LHFPL3: variants seen among roughly 807,000 people sequenced by gnomAD.
The protein encoded by LHFPL3 is LHFPL tetraspan subfamily member 3, also known as LHFPL tetraspan subfamily member 3 protein.
LHFPL3 carries 5 observed loss-of-function variants against 19.3 expected under a neutral mutation model. The ratio of observed to expected loss-of-function variants is 0.26; its 90% CI spans 0.14 to 0.54. The LOEUF is 0.54. LHFPL3 is among the 20% of genes least tolerant of loss of function. The pLI, the probability that LHFPL3 is intolerant of heterozygous loss-of-function variation, is 0.94. For synonymous variants in LHFPL3, 133 were observed against 126.2 expected (o/e 1.05, Z -0.36); for missense variants, 249 against 307.4 (o/e 0.81, Z 1.42).
intron 1 of LHFPL3, among the ~76,000 whole-genome samples, chr7:104,606,567 A>G (rs1671219411): frequency 6.6e-6 from 1 of 152,242 alleles, no homozygotes; most frequent in Non-Finnish European, 1.5e-5. Context: ...ATTGTAAGGA[A>G]GGTCAAGTGA....
At chr7:104,690,516 G>T (rs1792887466) in intron 1 of LHFPL3, among the ~76,000 whole-genome samples, 1 of 152,144 alleles carries the variant, frequency 6.6e-6, no homozygotes, top group African/African-American at 2.4e-5. Flanking sequence ...TTGGATCCAG[G>T]GAGCAAGAAG....
rs56664847 is a variant in LHFPL3 at position 104,667,264 on chromosome 7, T to TGTCG, written c.446-69410_446-69409insTCGG. Among the ~76,000 whole-genome samples, 8 of 148,172 alleles carry TGTCG rather than the reference T, an allele frequency of 5.4e-5. No individual in the cohort carries two copies. In the East Asian group the frequency reaches 1.4e-3, roughly 26 times the overall value. On this transcript the variant is annotated intron_variant, in intron 1 of 2. Coordinates refer to ENST00000424859, the MANE Select transcript of LHFPL3 (RefSeq NM_199000.3). ...CCCCTCCTACAATCATCTGTTTTCT[T>TGTCG]GGGGGGGGGAATCTTTAATTGGCTT...
chr7:104,871,640 A>G (rs1791840007), intron 2 of LHFPL3, among the ~76,000 whole-genome samples: 2 of 152,170 alleles, frequency 1.3e-5, no homozygotes, highest in Admixed American at 6.5e-5. Context: ...AAACACACAC[A>G]CATCGTACAG....
intron 1 of LHFPL3, chr7:104,668,553 C>A (rs1400347571): frequency 6.2e-7 from 1 of 1,612,986 alleles, no homozygotes. Flanking sequence ...CTATGATTCC[C>A]GGATAGGCAG....
intron 1 of LHFPL3, among the ~76,000 whole-genome samples, chr7:104,430,384 A>G (rs42179): frequency 0.17 from 6,187 of 35,850 alleles, 442 homozygotes; most frequent in East Asian, 0.34. Context: ...ATATATATAC[A>G]TATATATATA....
At position 104,330,542 on chromosome 7, in the gene LHFPL3, G is replaced by A. The variant is rs1380755834; in HGVS notation, c.445+1318G>A. Among the ~76,000 whole-genome samples, 12 of 152,162 alleles carry A rather than the reference G, an allele frequency of 7.9e-5. No homozygotes were observed. The East Asian group carries it at 2.1e-3, about 27-fold the overall frequency. On this transcript the variant is annotated intron_variant, in intron 1 of 2. Transcript: ENST00000424859. ...TTGCTAGTTTGATAAGGAAAGAGAA[G>A]CTTGTGGGAGACTACACTTGTGTGA... is the stretch of plus-strand genomic sequence containing the variant.
intron 1 of LHFPL3, among the ~76,000 whole-genome samples, chr7:104,537,579 C>T (rs1396397079): frequency 1.3e-5 from 2 of 152,180 alleles, no homozygotes; most frequent in African/African-American, 4.8e-5. Flanking sequence ...ACCCACTGCC[C>T]ATCTTCTCTG....
chr7:104,766,534 T>C (rs1453034035), intron 2 of LHFPL3, among the ~76,000 whole-genome samples: 3 of 152,188 alleles, frequency 2.0e-5, no homozygotes, highest in African/African-American at 7.2e-5. Flanking sequence ...TAGGATTCCA[T>C]TTTACTGCCA....
intron 1 of LHFPL3, among the ~76,000 whole-genome samples, chr7:104,723,301 C>T (rs558734212): frequency 5.3e-5 from 8 of 152,286 alleles, no homozygotes; most frequent in African/African-American, 9.6e-5. Context: ...TTGAAATCAT[C>T]GGTGATATCC....
Position 104,422,362 on chromosome 7 carries a change from A to AAACAAC in LHFPL3, c.445+93153_445+93158dup, listed in dbSNP as rs139661329. Among the ~76,000 whole-genome samples the AAACAAC allele has an allele frequency of 6.6e-3, 1,001 of 151,684 alleles. 73 individuals carry two copies. In the East Asian group the frequency reaches 0.16, roughly 24 times the overall value. On this transcript the variant is annotated intron_variant, in intron 1 of 2. Transcript: ENST00000424859. Reference sequence around the variant, plus strand: ...GGTGACAGAGCAAGACTCTGTCTCAAAACAACAACAACAACAACAAGAACA... The same window carrying AAACAAC: ...GGTGACAGAGCAAGACTCTGTCTCAAAACAACAACAACAACAACAACAACAAGAACA...
In LHFPL3 at chr7:104,754,170, A is replaced by G. The variant is rs1794236685; in HGVS notation, c.682+17259A>G. 2.6e-5 allele frequency among the ~76,000 whole-genome samples: 4 copies of G among 152,322 alleles called. No homozygotes were observed. In the South Asian group the frequency reaches 8.3e-4, roughly 32 times the overall value. Reference sequence around the variant, plus strand: ...GAGTACTAGGTAGCAGGTAAGAGGCAACAAATTAAATGAACACATAGCGAA... The same window carrying G: ...GAGTACTAGGTAGCAGGTAAGAGGCGACAAATTAAATGAACACATAGCGAA... On this transcript the variant is annotated intron_variant, in intron 2 of 2. Coordinates refer to ENST00000424859, the MANE Select transcript of LHFPL3 (RefSeq NM_199000.3).
intron 1 of LHFPL3, among the ~76,000 whole-genome samples, chr7:104,358,102 A>G (rs1265501976): frequency 6.6e-6 from 1 of 152,334 alleles, no homozygotes; most frequent in East Asian, 1.9e-4. Flanking sequence ...GTTTATTTAT[A>G]TGAAATATCC....
At chr7:104,398,019 C>T (rs966960181) in intron 1 of LHFPL3, among the ~76,000 whole-genome samples, 2 of 151,012 alleles carry the variant, frequency 1.3e-5, no homozygotes, top group African/African-American at 2.4e-5. Flanking sequence ...AATCCAACTC[C>T]TTTTCATTTT....
intron 1 of LHFPL3, among the ~76,000 whole-genome samples, chr7:104,336,732 A>T (rs1789816895): frequency 6.6e-6 from 1 of 152,214 alleles, no homozygotes; most frequent in Admixed American, 6.5e-5. Flanking sequence ...TGTGCTCAAC[A>T]GGAAGAAAGA....
intron 1 of LHFPL3, among the ~76,000 whole-genome samples, chr7:104,571,514 T>C (rs1276240086): frequency 1.3e-5 from 2 of 152,176 alleles, no homozygotes; most frequent in African/African-American, 2.4e-5. Flanking sequence ...TCCTTGAAGT[T>C]CCTGGCAAGT....
chr7:104,839,234 A>G (rs1364530243), intron 2 of LHFPL3, among the ~76,000 whole-genome samples: 2 of 152,210 alleles, frequency 1.3e-5, no homozygotes. Flanking sequence ...AGATTGTAAA[A>G]CAGGGAGCTT....
chr7:104,713,906 C>G (rs537025107), intron 1 of LHFPL3, among the ~76,000 whole-genome samples: 11 of 152,220 alleles, frequency 7.2e-5, no homozygotes, highest in Non-Finnish European at 1.5e-4. Context: ...GCTCCCTGCT[C>G]AGTTTCCAAA....
At chr7:104,902,973 G>T (rs1040446645) in intron 2 of LHFPL3, among the ~76,000 whole-genome samples, 1 of 152,108 alleles carries the variant, frequency 6.6e-6, no homozygotes, top group African/African-American at 2.4e-5. Flanking sequence ...GAAACTGGCC[G>T]CAAATGTTCC....
chr7:104,562,891 C>T (rs1458854024), intron 1 of LHFPL3, among the ~76,000 whole-genome samples: 1 of 151,850 alleles, frequency 6.6e-6, no homozygotes, highest in Non-Finnish European at 1.5e-5. Context: ...TGTTAGTTTT[C>T]CTTCTAACAG....
Sources: gnomAD v4.1 joint callset for allele counts (sites outside exome capture counted in the v4.1 genomes callset) on GRCh38, gnomAD v4.1.1 for gene constraint, MANE v1.5 for transcripts, NCBI Gene and HGNC (gene_info 2026-07-23, HGNC 2026-07-21) for gene names.